The following ZC3H13 variants were observed in gnomAD, a reference collection of about 807,000 sequenced individuals.
ZC3H13 encodes the protein zinc finger CCCH domain-containing protein 13.
In ZC3H13, 64 loss-of-function variants were observed where a neutral mutation model predicts 204.1. The observed-to-expected ratio is 0.31, with a 90% CI of 0.26 to 0.39. The LOEUF (loss-of-function observed/expected upper bound fraction) is 0.39. Among genes scored for constraint, ZC3H13 ranks in the 10% least tolerant of loss-of-function variants. ZC3H13 has a pLI of 1.00. For missense variants in ZC3H13, 1,833 were observed against 2,082.7 expected (o/e 0.88, Z 2.33); for synonymous variants, 667 against 693.7 (o/e 0.96, Z 0.60).
At chr13:46,002,027 A>T (rs1412627698) in intron 8 of ZC3H13, among the ~76,000 whole-genome samples, 2 of 152,184 alleles carry the variant, frequency 1.3e-5, no homozygotes, top group Non-Finnish European at 2.9e-5. Flanking sequence ...AATGTCCAGA[A>T]TATATAACGA....
intron 3 of ZC3H13, among the ~76,000 whole-genome samples, chr13:46,044,079 G>A (rs773975923): frequency 7.3e-5 from 11 of 150,626 alleles, no homozygotes; most frequent in Non-Finnish European, 1.3e-4. Flanking sequence ...CAATGTTTAC[G>A]TGAAAAAGAA....
At chr13:46,006,784 T>C (rs1165815718) in intron 7 of ZC3H13, among the ~76,000 whole-genome samples, 2 of 133,476 alleles carry the variant, frequency 1.5e-5, no homozygotes. Context: ...ACTCATAGCA[T>C]TGAGAAAATG....
At chr13:46,004,663 G>A (rs1451296463) in intron 7 of ZC3H13, among the ~76,000 whole-genome samples, 1 of 152,046 alleles carries the variant, frequency 6.6e-6, no homozygotes, top group African/African-American at 2.4e-5. Context: ...GTGGCTTCCA[G>A]GTTTTCATCA....
chr13:46,037,888 T>C (rs1361088804), intron 4 of ZC3H13, among the ~76,000 whole-genome samples: 9 of 152,252 alleles, frequency 5.9e-5, no homozygotes, highest in Admixed American at 5.9e-4. Flanking sequence ...TTTCTTTTCA[T>C]ACTAAGTCTC....
At chr13:45,980,136 A>G (rs1224469202) in intron 10 of ZC3H13, 132 bp from the exon 11 acceptor site, 1 of 778,932 alleles carries the variant, frequency 1.3e-6, no homozygotes, top group African/African-American at 1.8e-5. Flanking sequence ...ATCACTCCTG[A>G]AAAGAGTATC....
At position 46,011,991 on chromosome 13, in the gene ZC3H13, C is replaced by T. The variant is rs1456055610; in HGVS notation, c.449-437G>A. ...CATCATACAAAGTGAGGTTATATTA[C>T]GTGTGCAACATTGCTTCCATAGGCT... On this transcript the variant is annotated intron_variant, in intron 5 of 18. Transcript: ENST00000679008. Among the ~76,000 whole-genome samples the T allele has an allele frequency of 6.6e-5, 10 of 152,280 alleles. No homozygotes were observed. The South Asian group carries it at 1.7e-3, about 25-fold the overall frequency.
chr13:45,997,254 G>A lies in ZC3H13; in HGVS notation c.944+5885C>T, dbSNP rs142117791. 6.9e-4 allele frequency among the ~76,000 whole-genome samples: 105 copies of A among 152,216 alleles called. 1 individual carries two copies. The highest frequency in any genetic ancestry group is 5.0e-3 in the East Asian group (26 of 5,188). ...AAAATTAACCACATGATAGAATTTC[G>A]TATTAAACTTACAAATACTCTGGGA... On this transcript the variant is annotated intron_variant, in intron 8 of 18. Transcript: ENST00000679008.
rs1482127291 is a variant in ZC3H13, at chr13:45,956,412, T to C, written c.*715A>G. ...GACTAATGTTCTAGATCATCAGGAA[T>C]AAGATTAACGAAGAGCAAAGTAAAT... On this transcript the variant is annotated 3_prime_UTR_variant, in exon 19 of 19. Transcript: ENST00000679008. 2.6e-5 allele frequency: 4 copies of C among 152,082 alleles called. No homozygotes were observed. Among genetic ancestry groups the C allele is most frequent in the East Asian group, 3.9e-4 (2 of 5,194 alleles). 9.4% of individuals were successfully genotyped at this position (152,082 alleles called of 1,614,324 possible).
rs149532602 is a variant in ZC3H13 at position 46,026,412 on chromosome 13, T to C, written c.340-5855A>G. 8.6e-3 allele frequency among the ~76,000 whole-genome samples: 1,301 copies of C among 151,990 alleles called. 18 individuals are homozygous for C. The highest frequency in any genetic ancestry group is 0.029 in the African/African-American group (1,220 of 41,494). ...TTAACATAATGTTCTCAAACCAAAATAGATCAAATAAAGAAGAATCTTAAA... is the reference window on the plus strand; with the variant it reads ...TTAACATAATGTTCTCAAACCAAAACAGATCAAATAAAGAAGAATCTTAAA... On this transcript the variant is annotated intron_variant, in intron 4 of 18. Coordinates refer to ENST00000679008, the MANE Select transcript of ZC3H13 (RefSeq NM_001330564.2).
Position 45,956,352 on chromosome 13 carries a change from TA to T in ZC3H13, c.*774del, listed in dbSNP as rs1566126650. ...TGTCCAACAATAAGGACACAAGCAG[TA>T]AAATATCTGAAGCATGAAACATGTA... is the stretch of plus-strand genomic sequence containing the variant. On this transcript the variant is annotated 3_prime_UTR_variant, in exon 19 of 19. Coordinates refer to ENST00000679008, the MANE Select transcript of ZC3H13 (RefSeq NM_001330564.2). 1 of 152,120 alleles carries T rather than the reference TA, an allele frequency of 6.6e-6. No individual in the cohort carries two copies. Among genetic ancestry groups the T allele is most frequent in the African/African-American group, 2.4e-5 (1 of 41,430 alleles). The allele number at this position is 152,120 out of a possible 1,614,324, so 9.4% of individuals were successfully genotyped here.
At chr13:45,962,998 C>CAAA (rs1291217525) in intron 17 of ZC3H13, 1 of 985,228 alleles carries the variant, frequency 1.0e-6, no homozygotes, top group Non-Finnish European at 1.2e-6. Flanking sequence ...GCAGTGAGGT[C>CAAA]AAAAATCAGC....
intron 5 of ZC3H13, among the ~76,000 whole-genome samples, chr13:46,016,441 T>C (rs966942464): frequency 1.3e-5 from 2 of 152,120 alleles, no homozygotes; most frequent in Non-Finnish European, 2.9e-5. Flanking sequence ...TAAAGTACAA[T>C]CTCAGATAAT....
intron 18 of ZC3H13, among the ~76,000 whole-genome samples, chr13:45,958,656 T>C (rs398044126): frequency 0.41 from 55,403 of 135,164 alleles, 11,529 homozygotes; most frequent in African/African-American, 0.52. Context: ...CAGTTTTTTT[T>C]TTTTTTTTTT....
At chr13:46,014,108 T>C (rs901395778) in intron 5 of ZC3H13, among the ~76,000 whole-genome samples, 3 of 152,238 alleles carry the variant, frequency 2.0e-5, no homozygotes, top group Non-Finnish European at 4.4e-5. Context: ...TTTGTCAATA[T>C]GGGTAAAAGC....
chr13:45,970,224 A>G, intron 13 of ZC3H13, 138 bp downstream of exon 13: 2 of 966,444 alleles, frequency 2.1e-6, no homozygotes, highest in Non-Finnish European at 3.1e-6. Context: ...TTTAGTCACA[A>G]AAGGAGATAT....
chr13:45,974,638 G>C (rs558634279), intron 12 of ZC3H13, among the ~76,000 whole-genome samples: 3 of 152,128 alleles, frequency 2.0e-5, no homozygotes, highest in Non-Finnish European at 2.9e-5. Context: ...GAACCATGCA[G>C]TGATTACAAG....
chr13:45,964,982 A>G (rs1951968270), intron 16 of ZC3H13, among the ~76,000 whole-genome samples: 1 of 152,240 alleles, frequency 6.6e-6, no homozygotes, highest in Admixed American at 6.5e-5. Context: ...ACATTGCTAG[A>G]CAATCAGTAT....
chr13:46,036,419 A>C (rs929834747), intron 4 of ZC3H13, among the ~76,000 whole-genome samples: 6 of 152,174 alleles, frequency 3.9e-5, no homozygotes, highest in African/African-American at 1.4e-4. Flanking sequence ...ATTCAGGATA[A>C]ATATCAAGTC....
At chr13:45,962,234 A>G (rs767216632) in intron 17 of ZC3H13, 8 of 985,372 alleles carry the variant, frequency 8.1e-6, no homozygotes, top group Non-Finnish European at 8.4e-6. Flanking sequence ...CTCTAATACA[A>G]CCACCATAGC....
Sources: gnomAD v4.1 joint callset for allele counts (sites outside exome capture counted in the v4.1 genomes callset) on GRCh38, gnomAD v4.1.1 for gene constraint, MANE v1.5 for transcripts, NCBI Gene and HGNC (gene_info 2026-07-23, HGNC 2026-07-21) for gene names.